SCARA5: variants seen among roughly 807,000 people sequenced by gnomAD.
SCARA5 encodes scavenger receptor class A, member 5 (putative).
Under a neutral mutation model 46.3 loss-of-function variants are expected in SCARA5, and 45 were observed. The ratio of observed to expected loss-of-function variants is 0.97; its 90% confidence interval spans 0.76 to 1.24. The LOEUF (loss-of-function observed/expected upper bound fraction) is 1.24, where lower values mean the gene tolerates loss of function less well. Ranked by LOEUF, SCARA5 falls within the 50% of genes most tolerant of loss-of-function variation. The pLI is 0.00. For synonymous variants in SCARA5, 333 were observed against 306.5 expected, an observed-to-expected ratio of 1.09 and a Z score of -0.90; for missense variants, 680 against 689.0, an observed-to-expected ratio of 0.99 and a Z score of 0.15.
intron 3 of SCARA5, among the ~76,000 whole-genome samples, chr8:27,965,470 G>A (rs1808355220): frequency 6.6e-6 from 1 of 152,154 alleles, no homozygotes; most frequent in Non-Finnish European, 1.5e-5. Flanking sequence ...CCATCGCATT[G>A]GGCTACACCC....
At chr8:27,960,255 C>T (rs1468050497) in intron 3 of SCARA5, among the ~76,000 whole-genome samples, 1 of 151,666 alleles carries the variant, frequency 6.6e-6, no homozygotes, top group Non-Finnish European at 1.5e-5. Flanking sequence ...TGGCTCACTA[C>T]GACCTTGAAC....
intron 3 of SCARA5, among the ~76,000 whole-genome samples, chr8:27,931,050 T>A (rs888403807): frequency 6.6e-6 from 1 of 152,248 alleles, no homozygotes; most frequent in Admixed American, 6.5e-5. Flanking sequence ...TACTGAGGTC[T>A]GGATTCATGT....
chr8:27,965,463 T>C (rs1386678446), intron 3 of SCARA5, among the ~76,000 whole-genome samples: 3 of 152,290 alleles, frequency 2.0e-5, no homozygotes, highest in African/African-American at 7.2e-5. Context: ...TCTGTCACCA[T>C]CGCATTGGGC....
intron 3 of SCARA5, among the ~76,000 whole-genome samples, chr8:27,942,796 C>T (rs1471585249): frequency 6.6e-6 from 1 of 152,172 alleles, no homozygotes; most frequent in African/African-American, 2.4e-5. Flanking sequence ...AAAGCATCTT[C>T]ATGCTTCTTA....
chr8:27,903,829 T>A (rs1261008910), intron 7 of SCARA5: 2 of 152,116 alleles, frequency 1.3e-5, no homozygotes, highest in African/African-American at 4.8e-5. Context: ...ACAGGGACTC[T>A]TTCCCCAGGC....
intron 8 of SCARA5, among the ~76,000 whole-genome samples, chr8:27,872,588 C>T (rs898690380): frequency 1.1e-4 from 17 of 152,326 alleles, no homozygotes; most frequent in African/African-American, 3.8e-4. Flanking sequence ...CTTCCGCCAC[C>T]TCCTTGGATG....
intron 3 of SCARA5, among the ~76,000 whole-genome samples, chr8:27,958,126 G>C (rs1206804378): frequency 1.3e-5 from 2 of 152,236 alleles, no homozygotes; most frequent in African/African-American, 4.8e-5. Flanking sequence ...TGTAAGTAGG[G>C]CTTTGGCTGA....
intron 7 of SCARA5, among the ~76,000 whole-genome samples, chr8:27,889,232 T>G (rs969971174): frequency 6.6e-6 from 1 of 152,312 alleles, no homozygotes; most frequent in African/African-American, 2.4e-5. Flanking sequence ...TCTTAGCATT[T>G]TCTCAGGATA....
intron 3 of SCARA5, among the ~76,000 whole-genome samples, chr8:27,948,225 G>A (rs957315587): frequency 5.3e-5 from 8 of 152,170 alleles, no homozygotes; most frequent in Non-Finnish European, 1.0e-4. Flanking sequence ...ATTTGGCCTC[G>A]GGCTGGGTTG....
intron 1 of SCARA5, among the ~76,000 whole-genome samples, chr8:27,989,334 G>T (rs1219076993): frequency 6.6e-6 from 1 of 151,704 alleles, no homozygotes; most frequent in Non-Finnish European, 1.5e-5. Context: ...CACCATGTTG[G>T]CCAGGCTGGT....
At position 27,971,235 on chromosome 8, in the gene SCARA5, C is replaced by T. The variant is rs574832261; in HGVS notation, c.113-4693G>A. ...AGAATGAGGTTGGTGCGGAAGGGAG[C>T]GGTGACACAAGCAAAGTGCTCCCTG... On this transcript the variant is annotated intron_variant, in intron 2 of 8. Transcript: ENST00000354914. Among the ~76,000 whole-genome samples the T allele has an allele frequency of 9.9e-4, 150 of 152,284 alleles. 2 individuals carry two copies. The highest frequency in any genetic ancestry group is 3.5e-3 in the African/African-American group (146 of 41,556).
Position 27,871,152 on chromosome 8 carries a change from GTCT to G in SCARA5, c.*779_*781del, listed in dbSNP as rs1338631318. On this transcript the variant is annotated 3_prime_UTR_variant, in exon 9 of 9. Transcript: ENST00000354914. ...GTGGGCACACGGTCTCAGTCATTTT[GTCT>G]TCTTACTTGCAGTCTAGGTGAATGG... 1.3e-5 allele frequency: 2 copies of G among 152,436 alleles called. No individual in the cohort carries two copies. Among genetic ancestry groups the G allele is most frequent in the African/African-American group, 4.8e-5 (2 of 41,586 alleles). The allele number at this position is 152,436 out of a possible 1,614,324, so 9.4% of individuals were successfully genotyped here.
intron 3 of SCARA5, among the ~76,000 whole-genome samples, chr8:27,946,626 A>G (rs995145569): frequency 6.6e-6 from 1 of 152,194 alleles, no homozygotes; most frequent in African/African-American, 2.4e-5. Flanking sequence ...AGACTGTAAG[A>G]GACAACCCAG....
At position 27,904,745 on chromosome 8, in the gene SCARA5, C is replaced by G. The variant is rs748306002; in HGVS notation, c.1153+33G>C. On this transcript the variant is annotated intron_variant, in intron 7 of 8. Coordinates refer to ENST00000354914, the MANE Select transcript of SCARA5 (RefSeq NM_173833.6). ...GGGGACAGCTAGCCCTGTGCCAACA[C>G]CATATCCCACGGCCCCAGCAGAATG... 8.2e-6 allele frequency: 13 copies of G among 1,593,892 alleles called. 1 individual carries two copies. Among genetic ancestry groups the G allele is most frequent in the South Asian group, 7.7e-5 (7 of 90,674 alleles).
intron 2 of SCARA5, among the ~76,000 whole-genome samples, chr8:27,975,121 T>A (rs755691818): frequency 6.6e-5 from 10 of 152,050 alleles, no homozygotes; most frequent in Non-Finnish European, 1.3e-4. Context: ...GGCTGAAGGT[T>A]GAGTTGATCA....
intron 4 of SCARA5, among the ~76,000 whole-genome samples, chr8:27,915,459 C>G (rs2685331): frequency 0.52 from 78,674 of 151,952 alleles, 20,991 homozygotes; most frequent in Non-Finnish European, 0.59. Flanking sequence ...CTCCTCAGCC[C>G]TCAGTAGAAC....
At chr8:27,892,896 G>A (rs182165714) in intron 7 of SCARA5, among the ~76,000 whole-genome samples, 146 of 152,272 alleles carry the variant, frequency 9.6e-4, no homozygotes, top group African/African-American at 3.3e-3. Flanking sequence ...GTGAGCCACC[G>A]CACCCAGCCT....
chr8:27,871,897 C>T lies in SCARA5; in HGVS notation c.*37G>A, dbSNP rs1806644567. 3 of 1,612,840 alleles carry T rather than the reference C, an allele frequency of 1.9e-6. No individual in the cohort carries two copies. The highest frequency in any genetic ancestry group is 2.5e-6 in the Non-Finnish European group (3 of 1,179,846). ...CCACCCCAGGGATGCAGGAAGGGTGCTCTGTGCAGGACCCCGAACTTGGGC... is the reference window on the plus strand; with the variant it reads ...CCACCCCAGGGATGCAGGAAGGGTGTTCTGTGCAGGACCCCGAACTTGGGC... On this transcript the variant is annotated 3_prime_UTR_variant, in exon 9 of 9. Coordinates refer to ENST00000354914, the MANE Select transcript of SCARA5 (RefSeq NM_173833.6).
chr8:27,914,178 A>G (rs1334762887), intron 4 of SCARA5, among the ~76,000 whole-genome samples: 2 of 152,206 alleles, frequency 1.3e-5, no homozygotes, highest in African/African-American at 4.8e-5. Flanking sequence ...CTGCCATGTA[A>G]GATGTGCCTT....
Sources: gnomAD v4.1 joint callset for allele counts (sites outside exome capture counted in the v4.1 genomes callset) on GRCh38, gnomAD v4.1.1 for gene constraint, MANE v1.5 for transcripts, NCBI Gene and HGNC (gene_info 2026-07-23, HGNC 2026-07-21) for gene names.